Variants in AGMO observed in about 807,000 individuals in gnomAD.
AGMO encodes the protein glyceryl-ether monooxygenase.
Under a neutral mutation model 60.2 loss-of-function variants are expected in AGMO, and 75 were observed. That is an observed-to-expected ratio of 1.25 (90% CI 1.03 to 1.51). The LOEUF (loss-of-function observed/expected upper bound fraction) is 1.51. Among genes scored for constraint, AGMO ranks in the 40% most tolerant of loss-of-function variants. AGMO has a pLI of 0.00. For synonymous variants in AGMO, 261 were observed against 177.1 expected, an observed-to-expected ratio of 1.47 and a Z score of -3.76; for missense variants, 763 against 525.5, an observed-to-expected ratio of 1.45 and a Z score of -4.42.
At chr7:15,412,813 A>G (rs1780654005) in intron 5 of AGMO, among the ~76,000 whole-genome samples, 1 of 152,140 alleles carries the variant, frequency 6.6e-6, no homozygotes, top group Non-Finnish European at 1.5e-5. Context: ...TATAAGTCAA[A>G]GTCTCCAAAA....
At position 15,406,931 on chromosome 7, in the gene AGMO, GCA is replaced by G. The variant is rs375471235; in HGVS notation, c.609+11625_609+11626del. Among the ~76,000 whole-genome samples, 287 of 94,418 alleles carry G rather than the reference GCA, an allele frequency of 3.0e-3. 8 individuals carry two copies. Among genetic ancestry groups the G allele is most frequent in the South Asian group, 9.3e-3 (25 of 2,702 alleles). The allele number at this position is 94,418 out of a possible 152,430, so 61.9% of individuals were successfully genotyped here. A position where few individuals can be genotyped will look rare whatever the true frequency, so the allele number is the denominator to read the frequency against. ...GCCCCTTTGTTTGGAATACACACGC[GCA>G]CACACACACACACACACACGTATAT... On this transcript the variant is annotated intron_variant, in intron 5 of 12. Coordinates refer to ENST00000342526, the MANE Select transcript of AGMO (RefSeq NM_001004320.2).
At chr7:15,406,993 T>C (rs1007882038) in intron 5 of AGMO, among the ~76,000 whole-genome samples, 1 of 141,966 alleles carries the variant, frequency 7.0e-6, no homozygotes, top group South Asian at 2.2e-4. Context: ...TGTGTGTGTA[T>C]ATATATGGAA....
intron 10 of AGMO, among the ~76,000 whole-genome samples, chr7:15,373,690 C>T (rs4469359): frequency 0.56 from 84,535 of 151,836 alleles, 24,099 homozygotes; most frequent in African/African-American, 0.66. Context: ...AGTATGTTTC[C>T]ATATGAAAAA....
chr7:15,226,063 T>C (rs1782072318), intron 12 of AGMO, among the ~76,000 whole-genome samples: 1 of 152,098 alleles, frequency 6.6e-6, no homozygotes, highest in Non-Finnish European at 1.5e-5. Context: ...AAGTTTATCG[T>C]TGCTTTCTTT....
the AGMO span, among the ~76,000 whole-genome samples, chr7:15,142,651 A>C: frequency 6.6e-6 from 1 of 152,170 alleles, no homozygotes; most frequent in Admixed American, 6.5e-5. Context: ...CAAATAGCAC[A>C]AAAGGATATG....
intron 10 of AGMO, among the ~76,000 whole-genome samples, chr7:15,372,251 G>C (rs1194182628): frequency 6.6e-6 from 1 of 151,970 alleles, no homozygotes; most frequent in African/African-American, 2.4e-5. Context: ...AGGAGTTCAG[G>C]ACCAGTCTGG....
At chr7:15,287,074 C>T (rs949101668) in intron 12 of AGMO, among the ~76,000 whole-genome samples, 3 of 151,844 alleles carry the variant, frequency 2.0e-5, no homozygotes, top group Non-Finnish European at 4.4e-5. Context: ...GACATAGAAG[C>T]GGGAAGATGA....
chr7:15,315,206 GC>G, intron 12 of AGMO, among the ~76,000 whole-genome samples: 1 of 151,910 alleles, frequency 6.6e-6, no homozygotes, highest in Non-Finnish European at 1.5e-5. Context: ...TTGTGTTATT[GC>G]AAGGTACTAA....
At chr7:15,222,820 A>AC (rs1482655565) in intron 12 of AGMO, among the ~76,000 whole-genome samples, 2 of 152,036 alleles carry the variant, frequency 1.3e-5, no homozygotes, top group African/African-American at 4.8e-5. Context: ...CTAGAAATTT[A>AC]CCCCATATAC....
intron 10 of AGMO, among the ~76,000 whole-genome samples, chr7:15,368,685 G>T (rs911596750): frequency 5.3e-5 from 8 of 152,044 alleles, no homozygotes. Flanking sequence ...CAGGAGCTTA[G>T]GCTAATCTTA....
In AGMO at chr7:15,240,164, T is replaced by G. The variant is rs113576341; in HGVS notation, c.1264-38805A>C. 3.5e-3 allele frequency among the ~76,000 whole-genome samples: 527 copies of G among 152,310 alleles called. 1 individual carries two copies. Among genetic ancestry groups the G allele is most frequent in the African/African-American group, 0.01 (434 of 41,560 alleles). The stretch of plus-strand genomic sequence containing the variant: ...ATCTATTTATTCAATACATGCTAAC[T>G]ACCTGGTGTGTTAGGTCTCTTCATA... On this transcript the variant is annotated intron_variant, in intron 12 of 12. Coordinates refer to ENST00000342526, the MANE Select transcript of AGMO (RefSeq NM_001004320.2).
intron 12 of AGMO, among the ~76,000 whole-genome samples, chr7:15,232,870 A>T (rs7781912): frequency 0.34 from 52,029 of 151,560 alleles, 9,912 homozygotes; most frequent in East Asian, 0.49. Flanking sequence ...CTATCACAAA[A>T]GTAGATAGTC....
intron 3 of AGMO, among the ~76,000 whole-genome samples, chr7:15,472,735 C>T (rs1017826127): frequency 2.0e-5 from 3 of 151,784 alleles, no homozygotes; most frequent in Non-Finnish European, 1.5e-5. Context: ...GTAATATTAG[C>T]CTATACACTG....
intron 3 of AGMO, among the ~76,000 whole-genome samples, chr7:15,463,176 T>A (rs62438754): frequency 1.3e-5 from 2 of 152,214 alleles, no homozygotes; most frequent in Non-Finnish European, 2.9e-5. Context: ...GTTTAAAATA[T>A]ACAGAAAGTA....
chr7:15,477,681 T>C (rs1262007330), intron 3 of AGMO, among the ~76,000 whole-genome samples: 3 of 152,146 alleles, frequency 2.0e-5, no homozygotes, highest in Admixed American at 2.0e-4. Context: ...ATATCAAATT[T>C]GTTACCATTA....
chr7:15,396,201 G>A (rs2128487773), intron 5 of AGMO: 1 of 152,548 alleles, frequency 6.6e-6, no homozygotes. Flanking sequence ...GTGGGTTCTT[G>A]GCCTCGCTGA....
intron 3 of AGMO, among the ~76,000 whole-genome samples, chr7:15,472,807 G>A (rs1459689363): frequency 6.6e-6 from 1 of 151,772 alleles, no homozygotes; most frequent in Non-Finnish European, 1.5e-5. Context: ...ATCGTTTTAT[G>A]TGAATTTACT....
rs1782423184 is a variant in AGMO at position 15,354,462 on chromosome 7, GTGTGTGTATACACA to G, written c.1263+11038_1263+11051del. Among the ~76,000 whole-genome samples, 10 of 14,186 alleles carry G rather than the reference GTGTGTGTATACACA, an allele frequency of 7.0e-4. 1 individual carries two copies. The highest frequency in any genetic ancestry group is 6.9e-3 in the South Asian group (2 of 290). The allele number at this position is 14,186 out of a possible 152,430, so 9.3% of individuals were successfully genotyped here. ...TATACACACGTGTGTGTATACACACGTGTGTGTATACACACGTGTGTATATACACACGTGTATAT... is the reference window on the plus strand; with the variant it reads ...TATACACACGTGTGTGTATACACACGCGTGTGTATATACACACGTGTATAT... On this transcript the variant is annotated intron_variant, in intron 12 of 12. Coordinates refer to ENST00000342526, the MANE Select transcript of AGMO (RefSeq NM_001004320.2).
At chr7:15,407,074 A>ATG (rs1784723108) in intron 5 of AGMO, among the ~76,000 whole-genome samples, 1 of 144,476 alleles carries the variant, frequency 6.9e-6, no homozygotes, top group African/African-American at 2.5e-5. Context: ...TGTATTCCAT[A>ATG]TGTGTATATA....
Sources: gnomAD v4.1 joint callset for allele counts (sites outside exome capture counted in the v4.1 genomes callset) on GRCh38, gnomAD v4.1.1 for gene constraint, MANE v1.5 for transcripts, NCBI Gene and HGNC (gene_info 2026-07-23, HGNC 2026-07-21) for gene names.